The following TTC21B variants were observed in gnomAD, a reference collection of about 807,000 sequenced individuals.
TTC21B encodes the protein tetratricopeptide repeat domain 21B.
In TTC21B, 127 loss-of-function variants were observed where a neutral mutation model predicts 175.1. That is an observed-to-expected ratio of 0.73 (90% CI 0.63 to 0.84). The LOEUF (loss-of-function observed/expected upper bound fraction) is 0.84, where lower values mean the gene tolerates loss of function less well. Among genes scored for constraint, TTC21B ranks in the 40% least tolerant of loss-of-function variants. The pLI is 0.00. For synonymous variants in TTC21B, 524 were observed against 524.5 expected, an observed-to-expected ratio of 1.00 and a Z score of 0.01; for missense variants, 1,561 against 1,558.3, an observed-to-expected ratio of 1.00 and a Z score of -0.03.
chr2:165,902,790 T>C (rs1465491850), intron 19 of TTC21B, among the ~76,000 whole-genome samples: 3 of 152,104 alleles, frequency 2.0e-5, no homozygotes, highest in African/African-American at 4.8e-5. Flanking sequence ...CTGAAAACAA[T>C]TGGTTTAGAT....
intron 6 of TTC21B, among the ~76,000 whole-genome samples, chr2:165,940,787 C>G (rs1285472295): frequency 2.0e-5 from 3 of 152,010 alleles, no homozygotes; most frequent in African/African-American, 7.3e-5. Flanking sequence ...GCTTCATGAC[C>G]ACAGGGATAT....
In TTC21B at chr2:165,915,322, C is replaced by G. The variant is rs753124627; in HGVS notation, c.2017G>C (p.Ala673Pro). 1 of 1,614,044 alleles carries G rather than the reference C, an allele frequency of 6.2e-7. No individual in the cohort carries two copies. The highest frequency in any genetic ancestry group is 1.1e-5 in the South Asian group (1 of 91,084). Residue 673 changes from alanine (A) to proline (P), a missense_variant, in exon 15 of 29, where the codon GCT becomes CCT. Physicochemically the swap from Ala to Pro is conservative, Grantham distance 27. Transcript: ENST00000243344. The stretch of plus-strand genomic sequence containing the variant: ...GTAACATTCTGAAGGATGCTTAAAG[C>G]CCGTTCAATATCTCCTTGGGCTAGA... ...LALAQGDIER[A>P]LSILQNVTAE...
chr2:165,890,662 T>C, intron 23 of TTC21B, 22 bp from the exon 24 acceptor site: 1 of 1,609,916 alleles, frequency 6.2e-7, no homozygotes, highest in Non-Finnish European at 8.5e-7. Flanking sequence ...TTTAAAAGAA[T>C]TATTTATTTC....
intron 12 of TTC21B, among the ~76,000 whole-genome samples, 183 bp from the exon 13 acceptor site, chr2:165,919,616 ATG>A (rs1686312872): frequency 6.6e-6 from 1 of 152,162 alleles, no homozygotes. Flanking sequence ...GTCTACATGA[ATG>A]AATACACCTG....
rs1408481334 is a variant in TTC21B, at chr2:165,883,887, C to T, written c.3591G>A (p.Glu1197=). ...TATCAGCAAGTAGCAGCCAACTCTT[C>T]TCAAACTCTTCAGCATCAATAGCAT... is the stretch of plus-strand genomic sequence containing the variant. The part of the protein sequence containing the change: ...NWNAIDAEEF[E]KSWLLLADIY... Residue 1197 remains glutamate (E), a synonymous_variant, in exon 26 of 29, where the codon GAG becomes GAA. Coordinates refer to ENST00000243344, the MANE Select transcript of TTC21B (RefSeq NM_024753.5). 6.2e-7 allele frequency: 1 copy of T among 1,614,136 alleles called. No individual in the cohort carries two copies. The highest frequency in any genetic ancestry group is 2.2e-5 in the East Asian group (1 of 44,860).
intron 1 of TTC21B, among the ~76,000 whole-genome samples, chr2:165,950,678 T>A (rs1004859162): frequency 1.3e-5 from 2 of 152,208 alleles, no homozygotes; most frequent in Non-Finnish European, 2.9e-5. Context: ...TGGCGCAATC[T>A]CTGCTCACTG....
chr2:165,941,556 T>C (rs1687370062), intron 5 of TTC21B, among the ~76,000 whole-genome samples: 1 of 152,254 alleles, frequency 6.6e-6, no homozygotes, highest in African/African-American at 2.4e-5. Context: ...TTTAGAAATT[T>C]TGCATCTTTT....
intron 3 of TTC21B, chr2:165,948,062 G>A (rs1226293971): frequency 6.6e-6 from 1 of 152,218 alleles, no homozygotes; most frequent in African/African-American, 2.4e-5. Context: ...GGAGTACGGA[G>A]AAAGGGGATC....
chr2:165,887,069 C>T (rs1320908893), intron 25 of TTC21B, among the ~76,000 whole-genome samples: 2 of 152,122 alleles, frequency 1.3e-5, no homozygotes, highest in African/African-American at 2.4e-5. Flanking sequence ...GATACTTGTA[C>T]CCAAGCCACA....
At chr2:165,920,794 A>AAATATTTTAAATATTTAAAATATTTTGC (rs1559060442) in intron 12 of TTC21B, among the ~76,000 whole-genome samples, 1 of 151,746 alleles carries the variant, frequency 6.6e-6, no homozygotes. Flanking sequence ...AAATATTTTG[A>AAATATTTTAAATATTTAAAATATTTTGC]AGGATACTAA....
At chr2:165,874,910 T>C (rs1684615761) in intron 28 of TTC21B, 78 bp from the exon 29 acceptor site, 5 of 1,269,828 alleles carry the variant, frequency 3.9e-6, no homozygotes, top group Non-Finnish European at 5.7e-6. Flanking sequence ...TTATAAGAAA[T>C]GAGCATTACA....
rs767963660 is a variant in TTC21B at position 165,924,638 on chromosome 2, C to A, written c.1427G>T (p.Arg476Leu). 4 of 1,613,712 alleles carry A rather than the reference C, an allele frequency of 2.5e-6. No individual in the cohort carries two copies. The highest frequency in any genetic ancestry group is 3.4e-6 in the Non-Finnish European group (4 of 1,179,790). Residue 476 changes from arginine to leucine, a missense_variant, in exon 12 of 29, where the codon CGT (arginine) becomes CTT (leucine). Arg to Leu is a moderately radical substitution (Grantham distance 102). Coordinates refer to ENST00000243344, the MANE Select transcript of TTC21B (RefSeq NM_024753.5). ...PGQPLCPLLR[R>L]CISVLETVVR... is the part of the protein sequence containing the mutation. Reference sequence around the variant, plus strand: ...TACAGTCTCCAGGACTGAGATGCAACGCCTGAGAAGTGGACAAAGAGGTTG... The same window carrying A: ...TACAGTCTCCAGGACTGAGATGCAAAGCCTGAGAAGTGGACAAAGAGGTTG...
chr2:165,945,644 AC>A lies in TTC21B; in HGVS notation c.308del (p.Arg103LeufsTer32). ...LESDARVKEQ[R>X]KGAGEKALYH... ...ATAAGGCTTTCTCTCCAGCTCCTTT[AC>A]GTTGTTCCTTCACTCTGGCATCTGA... On this transcript the variant is annotated frameshift_variant, in exon 4 of 29. Coordinates refer to ENST00000243344, the MANE Select transcript of TTC21B (RefSeq NM_024753.5). LOFTEE classifies it high-confidence loss of function. 1 of 1,613,744 alleles carries A rather than the reference AC, an allele frequency of 6.2e-7. No individual in the cohort carries two copies. Among genetic ancestry groups the A allele is most frequent in the East Asian group, 2.2e-5 (1 of 44,804 alleles).
chr2:165,953,651 G>GCTCGCCCGCTCA, intron 1 of TTC21B, 34 bp downstream of exon 1: 2 of 1,511,036 alleles, frequency 1.3e-6, no homozygotes, highest in Non-Finnish European at 1.8e-6. Flanking sequence ...CCGCCCGCCC[G>GCTCGCCCGCTCA]CCCGCTCACC....
chr2:165,876,470 G>A (rs974690343), intron 27 of TTC21B, among the ~76,000 whole-genome samples: 2 of 152,150 alleles, frequency 1.3e-5, no homozygotes, highest in Admixed American at 6.5e-5. Flanking sequence ...TACATTGATA[G>A]GTTAGAAAGC....
intron 22 of TTC21B, among the ~76,000 whole-genome samples, chr2:165,891,889 T>A (rs556326482): frequency 2.6e-4 from 40 of 152,240 alleles, no homozygotes; most frequent in Non-Finnish European, 4.6e-4. Context: ...TATATATAAA[T>A]GTAAGCAAAG....
intron 12 of TTC21B, among the ~76,000 whole-genome samples, chr2:165,922,124 T>C (rs1286148269): frequency 1.3e-5 from 2 of 152,090 alleles, no homozygotes; most frequent in East Asian, 1.9e-4. Flanking sequence ...ATTTTCACAA[T>C]ATAAATACTT....
rs367965246 is a variant in TTC21B at position 165,926,991 on chromosome 2, C to CATATATATATATATATATAT, written c.1386+2124_1386+2143dup. Among the ~76,000 whole-genome samples the CATATATATATATATATATAT allele has an allele frequency of 1.1e-3, 16 of 14,620 alleles. 2 individuals are homozygous for CATATATATATATATATATAT. Among genetic ancestry groups the CATATATATATATATATATAT allele is most frequent in the African/African-American group, 1.3e-3 (7 of 5,424 alleles). 9.6% of individuals were successfully genotyped at this position (14,620 alleles called of 152,430 possible). On this transcript the variant is annotated intron_variant, in intron 11 of 28. Coordinates refer to ENST00000243344, the MANE Select transcript of TTC21B (RefSeq NM_024753.5). ...TATATGGAGTATATATATAAACTCC[C>CATATATATATATATATATAT]ATATATATATATATATATATATATA...
intron 19 of TTC21B, among the ~76,000 whole-genome samples, chr2:165,905,970 G>T (rs1324690044): frequency 6.6e-6 from 1 of 152,068 alleles, no homozygotes; most frequent in African/African-American, 2.4e-5. Flanking sequence ...GCAAAGGATT[G>T]AATCATTCAA....
Sources: gnomAD v4.1 joint callset for allele counts (sites outside exome capture counted in the v4.1 genomes callset) on GRCh38, gnomAD v4.1.1 for gene constraint, MANE v1.5 for transcripts, NCBI Gene and HGNC (gene_info 2026-07-23, HGNC 2026-07-21) for gene names.